The following ZFHX3 variants were observed in gnomAD, a reference collection of about 807,000 sequenced individuals.
ZFHX3 encodes zinc finger homeobox 3.
ZFHX3 carries 42 observed loss-of-function variants against 279.1 expected under a neutral mutation model. The ratio of observed to expected loss-of-function variants is 0.15; its 90% confidence interval spans 0.12 to 0.19. ZFHX3 has a LOEUF of 0.19. ZFHX3 is among the 10% of genes least tolerant of loss of function. The pLI, the probability that ZFHX3 is intolerant of heterozygous loss-of-function variation, is 1.00. For missense variants in ZFHX3, 4,981 were observed against 4,754.0 expected, an observed-to-expected ratio of 1.05 and a Z score of -1.40; for synonymous variants, 2,293 against 1,957.8, an observed-to-expected ratio of 1.17 and a Z score of -4.52.
chr16:73,394,434 T>G (rs1310005401), intron 3 of ZFHX3, among the ~76,000 whole-genome samples: 1 of 152,036 alleles, frequency 6.6e-6, no homozygotes, highest in Admixed American at 6.6e-5. Context: ...TAGCTAAGAT[T>G]ACAGGTGCCC....
chr16:73,053,847 C>T (rs1050304840), intron 1 of ZFHX3, among the ~76,000 whole-genome samples: 4 of 152,082 alleles, frequency 2.6e-5, no homozygotes, highest in Non-Finnish European at 4.4e-5. Flanking sequence ...CAAATATGAA[C>T]GGAAATGACG....
intron 1 of ZFHX3, among the ~76,000 whole-genome samples, chr16:72,993,678 T>G (rs935364450): frequency 5.3e-5 from 8 of 152,172 alleles, no homozygotes; most frequent in Non-Finnish European, 7.3e-5. Context: ...TTCCTTTATC[T>G]GTTTTGTACT....
At chr16:73,472,115 G>A (rs528324898) in intron 2 of ZFHX3, among the ~76,000 whole-genome samples, 42 of 152,020 alleles carry the variant, frequency 2.8e-4, no homozygotes, top group Non-Finnish European at 4.9e-4. Context: ...CTGAATGTTA[G>A]AACCAAAAGG....
At chr16:73,785,164 C>T (rs1959606625) in intron 1 of ZFHX3, among the ~76,000 whole-genome samples, 1 of 152,108 alleles carries the variant, frequency 6.6e-6, no homozygotes, top group South Asian at 2.1e-4. Context: ...AGTTACAATA[C>T]TATTTGCTGT....
upstream of ZFHX3, among the ~76,000 whole-genome samples, chr16:73,052,195 C>G (rs572047058): frequency 6.7e-6 from 1 of 149,834 alleles, no homozygotes; most frequent in African/African-American, 2.5e-5. Context: ...GGGATACTGC[C>G]TGTTTATACA....
At chr16:73,767,584 T>A (rs1047895101) in intron 1 of ZFHX3, among the ~76,000 whole-genome samples, 12 of 152,342 alleles carry the variant, frequency 7.9e-5, no homozygotes, top group African/African-American at 2.6e-4. Flanking sequence ...TAGATGGTGA[T>A]GTAGGTTTGT....
At chr16:73,074,134 GGATTATATGACCTTTATTGT>G (rs1490964029) in intron 8 of ZFHX3, among the ~76,000 whole-genome samples, 1 of 152,208 alleles carries the variant, frequency 6.6e-6, no homozygotes, top group East Asian at 1.9e-4. Flanking sequence ...CAACCCAGTA[GGATTATATGACCTTTATTGT>G]GGCATCTTTC....
At chr16:72,951,337 G>A (rs1206573011) in intron 2 of ZFHX3, among the ~76,000 whole-genome samples, 1 of 151,404 alleles carries the variant, frequency 6.6e-6, no homozygotes, top group South Asian at 2.1e-4. Context: ...CTCAGCTCAC[G>A]GCAACCTCTG....
In ZFHX3 at chr16:72,801,738, C is replaced by T. The variant is rs151096252; in HGVS notation, c.3865-1609G>A. 4.5e-4 allele frequency among the ~76,000 whole-genome samples: 68 copies of T among 152,246 alleles called. No homozygotes were observed. The East Asian group carries it at 9.6e-3, about 22-fold the overall frequency. On this transcript the variant is annotated intron_variant, in intron 7 of 9. Transcript: ENST00000268489. ...TGGTTAAGGCTAGCTGTTGATGAAT[C>T]GTTAAGAATGGAGTGGAGATTGCCA...
chr16:73,653,017 T>C (rs2052685942), intron 2 of ZFHX3, among the ~76,000 whole-genome samples: 1 of 152,060 alleles, frequency 6.6e-6, no homozygotes, highest in African/African-American at 2.4e-5. Context: ...AAAATATTGA[T>C]ACTAAGAAGA....
At chr16:72,914,295 C>T (rs1244805636) in intron 3 of ZFHX3, among the ~76,000 whole-genome samples, 1 of 152,186 alleles carries the variant, frequency 6.6e-6, no homozygotes, top group Non-Finnish European at 1.5e-5. Flanking sequence ...TATAGTGTGG[C>T]AGAGAATCCA....
At chr16:72,915,435 C>T (rs1016066931) in intron 3 of ZFHX3, among the ~76,000 whole-genome samples, 1 of 152,096 alleles carries the variant, frequency 6.6e-6, no homozygotes, top group Non-Finnish European at 1.5e-5. Context: ...ACCTGTCCAC[C>T]CAACTAGATC....
chr16:73,691,940 C>T (rs2053153610), intron 1 of ZFHX3, among the ~76,000 whole-genome samples: 1 of 152,148 alleles, frequency 6.6e-6, no homozygotes, highest in Non-Finnish European at 1.5e-5. Context: ...TTGCTGTTGA[C>T]TTCATAGGGT....
At chr16:73,021,232 A>G (rs1413152766) in intron 1 of ZFHX3, among the ~76,000 whole-genome samples, 3 of 152,200 alleles carry the variant, frequency 2.0e-5, no homozygotes, top group Admixed American at 6.5e-5. Context: ...CAATCGAGGA[A>G]ACGGGGCTCG....
intron 2 of ZFHX3, among the ~76,000 whole-genome samples, chr16:73,662,511 C>T (rs2142176593): frequency 6.6e-6 from 1 of 152,188 alleles, no homozygotes; most frequent in East Asian, 1.9e-4. Flanking sequence ...GATGTGGGAA[C>T]CTTATGTCAA....
At chr16:72,923,507 G>T (rs1959258932) in intron 3 of ZFHX3, among the ~76,000 whole-genome samples, 1 of 150,992 alleles carries the variant, frequency 6.6e-6, no homozygotes, top group Non-Finnish European at 1.5e-5. Flanking sequence ...CTTGATAGAG[G>T]CAAACACCTC....
At chr16:73,036,784 T>C (rs1455667913) in intron 1 of ZFHX3, among the ~76,000 whole-genome samples, 1 of 152,104 alleles carries the variant, frequency 6.6e-6, no homozygotes, top group Non-Finnish European at 1.5e-5. Flanking sequence ...AGGACAGGTC[T>C]GAACTTCCAG....
chr16:72,788,373 T>C lies in ZFHX3; in HGVS notation c.9903A>G (p.Ala3301=), dbSNP rs760502487. 2.2e-5 allele frequency: 35 copies of C among 1,613,994 alleles called. No individual in the cohort carries two copies. Among genetic ancestry groups the C allele is most frequent in the Middle Eastern group, 1.6e-4 (1 of 6,084 alleles). Residue 3301 remains alanine (A), a synonymous_variant, in exon 10 of 10, where the codon GCA becomes GCG. Coordinates refer to ENST00000268489, the MANE Select transcript of ZFHX3 (RefSeq NM_006885.4). ...AAGGAAGGAACTGGCTTGTGAGCAA[T>C]GCTGTGGGGTCCGAAGTCAACGCGG... ...LQAALTSDPT[A]LLTSQFLPYF... is the part of the protein sequence containing the mutation.
intron 3 of ZFHX3, among the ~76,000 whole-genome samples, chr16:72,909,977 T>C (rs1190599109): frequency 6.6e-6 from 1 of 151,938 alleles, no homozygotes; most frequent in African/African-American, 2.4e-5. Flanking sequence ...TTAAGAGCCA[T>C]TTAACTTTCA....
Sources: allele counts gnomAD v4.1 joint callset (sites outside exome capture counted in the v4.1 genomes callset), GRCh38; gene constraint gnomAD v4.1.1; transcripts MANE v1.5; gene names NCBI Gene and HGNC (gene_info 2026-07-23, HGNC 2026-07-21).